The following ATPAF1 variants were observed in gnomAD, a reference collection of about 807,000 sequenced individuals.
The protein encoded by ATPAF1 is ATP synthase mitochondrial F1 complex assembly factor 1.
In ATPAF1, 26 loss-of-function variants were observed where a neutral mutation model predicts 43.9. The ratio of observed to expected loss-of-function variants is 0.59; its 90% confidence interval spans 0.43 to 0.82. The LOEUF (loss-of-function observed/expected upper bound fraction) is 0.82, where lower values mean the gene tolerates loss of function less well. Ranked by LOEUF, ATPAF1 falls within the 40% of genes least tolerant of loss-of-function variation. The pLI, the probability that ATPAF1 is intolerant of heterozygous loss-of-function variation, is 0.00. For missense variants in ATPAF1, 366 were observed against 435.0 expected (o/e 0.84, Z 1.41); for synonymous variants, 157 against 168.0 (o/e 0.93, Z 0.50).
chr1:46,638,952 G>C (rs1675896882), intron 8 of ATPAF1, among the ~76,000 whole-genome samples: 1 of 151,974 alleles, frequency 6.6e-6, no homozygotes, highest in South Asian at 2.1e-4. Context: ...ATATTCCTGG[G>C]GTCATTCTCT....
chr1:46,635,926 G>A (rs4660952), exon 9 of ATPAF1: 2 of 1,614,256 alleles, frequency 1.2e-6, no homozygotes, highest in African/African-American at 2.7e-5. Context: ...CAGTAGCGTA[G>A]AAGAGCTGAA....
In ATPAF1 at chr1:46,668,017, TCCCGCCTCCTG is replaced by T. The variant is rs1449220413; in HGVS notation, c.266+29_266+39del. On this transcript the variant is annotated intron_variant, in intron 1 of 8. Transcript: ENST00000574428. This position sits in a 1 kb window ranked among gnomAD's most constrained non-coding sequence, Gnocchi z 4.4. ...GCCCAGCAGCCCGGGCCGCCCCTCC[TCCCGCCTCCTG>T]CCCGCCTCCAGCCAACCCAGGCCCG... is the stretch of plus-strand genomic sequence containing the variant. The T allele has an allele frequency of 1.5e-6, 2 of 1,327,692 alleles. No homozygotes were observed. The highest frequency in any genetic ancestry group is 1.9e-6 in the Non-Finnish European group (2 of 1,041,516). The allele number at this position is 1,327,692 out of a possible 1,614,324, so 82.2% of individuals were successfully genotyped here. A position where few individuals can be genotyped will look rare whatever the true frequency, so the allele number is the denominator to read the frequency against.
rs138241478 is a variant in ATPAF1, at chr1:46,639,697, T to A, written c.792+3497A>T. 5.9e-3 allele frequency among the ~76,000 whole-genome samples: 892 copies of A among 152,338 alleles called. 31 individuals are homozygous for A. The highest frequency in any genetic ancestry group is 0.053 in the Admixed American group (808 of 15,298). On this transcript the variant is annotated intron_variant, in intron 8 of 8. Transcript: ENST00000574428. ...GAGTATACAGGGGATCATATATTCA[T>A]CTTATACTTCTAAGTTTCTCTTCTC...
intron 4 of ATPAF1, among the ~76,000 whole-genome samples, chr1:46,655,682 C>A (rs148920614): frequency 1.3e-5 from 2 of 152,130 alleles, no homozygotes; most frequent in African/African-American, 2.4e-5. Flanking sequence ...CCTTCCCATG[C>A]CTTTTTACAT....
intron 4 of ATPAF1, among the ~76,000 whole-genome samples, chr1:46,655,486 A>T (rs1433380683): frequency 2.0e-5 from 3 of 152,192 alleles, no homozygotes; most frequent in Admixed American, 2.0e-4. Flanking sequence ...ATTAGAAAAC[A>T]GGGAAAAGGA....
chr1:46,642,317 A>G (rs114079757), intron 8 of ATPAF1, among the ~76,000 whole-genome samples: 2,016 of 152,290 alleles, frequency 0.013, 39 homozygotes, highest in African/African-American at 0.046. Context: ...AGAGAAAGAG[A>G]AAAAATAAGT....
intron 2 of ATPAF1, among the ~76,000 whole-genome samples, chr1:46,662,778 TA>T (rs2148826446): frequency 6.6e-6 from 1 of 152,330 alleles, no homozygotes; most frequent in Admixed American, 6.5e-5. Context: ...CATTTTATTT[TA>T]TTTTTTTCTA....
Position 46,635,790 on chromosome 1 carries a change from G to A in ATPAF1, c.973C>T (p.Gln325Ter). ...CCTGTACAGTTCTAAGTCTTATTTT[G>A]GTTCTGGGCACATTTCAGTTCTGCT... The change falls in exon 9 of 9, where the codon CAA (glutamine) becomes TAA (stop). Residue 325 changes from glutamine to a stop codon, truncating the protein, a stop_gained. Coordinates refer to ENST00000574428, the Ensembl canonical transcript of ATPAF1. LOFTEE classifies it high-confidence loss of function. The A allele has an allele frequency of 1.2e-6, 2 of 1,613,862 alleles. No homozygotes were observed. The highest frequency in any genetic ancestry group is 2.2e-5 in the South Asian group (2 of 91,046).
downstream of ATPAF1, chr1:46,634,125 C>T (rs531302451): frequency 8.7e-5 from 27 of 310,234 alleles, no homozygotes; most frequent in Admixed American, 1.9e-4. Flanking sequence ...AAAATAGACA[C>T]GGCTCAGAGA....
chr1:46,644,970 T>C (rs140871174), intron 7 of ATPAF1, among the ~76,000 whole-genome samples, 191 bp downstream of exon 7: 262 of 152,302 alleles, frequency 1.7e-3, no homozygotes, highest in Non-Finnish European at 3.1e-3. Flanking sequence ...TTTGGAGTCT[T>C]TTCCAATTTC....
At chr1:46,644,927 CAA>C (rs1191792206) in intron 7 of ATPAF1, among the ~76,000 whole-genome samples, 1 of 152,142 alleles carries the variant, frequency 6.6e-6, no homozygotes, top group Non-Finnish European at 1.5e-5. Context: ...GGGGAAGAGA[CAA>C]AAGAGAACCA....
intron 2 of ATPAF1, among the ~76,000 whole-genome samples, chr1:46,662,939 G>C (rs1343569016): frequency 1.3e-5 from 2 of 148,644 alleles, no homozygotes; most frequent in Admixed American, 6.7e-5. Context: ...CCACTCCCCC[G>C]ACCCCACAAC....
intron 6 of ATPAF1, among the ~76,000 whole-genome samples, chr1:46,647,411 T>C (rs1373345334): frequency 6.6e-6 from 1 of 152,220 alleles, no homozygotes; most frequent in Non-Finnish European, 1.5e-5. Flanking sequence ...TTTGCACATA[T>C]GGCCCTTTCA....
Position 46,668,110 on chromosome 1 carries a change from G to A in ATPAF1, c.213C>T (p.Leu71=). The A allele has an allele frequency of 6.9e-7, 1 of 1,448,132 alleles. No individual in the cohort carries two copies. The highest frequency in any genetic ancestry group is 9.1e-7 in the Non-Finnish European group (1 of 1,098,668). 89.7% of individuals were successfully genotyped at this position (1,448,132 alleles called of 1,614,324 possible). ...AGCGGTCGTAGAAAGGGTTGGCCTGGAGCTCGGCCTCGGCCCCGACCCCGC... is the reference window on the plus strand; with the variant it reads ...AGCGGTCGTAGAAAGGGTTGGCCTGAAGCTCGGCCTCGGCCCCGACCCCGC... The change falls in exon 1 of 9, where the codon CTC becomes CTT. Residue 71 remains leucine (L), a synonymous_variant. Transcript: ENST00000574428. This position sits in a 1 kb window ranked among gnomAD's most constrained non-coding sequence, Gnocchi z 4.4.
At chr1:46,663,068 C>T (rs1048979081) in intron 2 of ATPAF1, among the ~76,000 whole-genome samples, 4 of 152,028 alleles carry the variant, frequency 2.6e-5, no homozygotes, top group African/African-American at 9.7e-5. Context: ...TTGCTGAGAA[C>T]GATGGTTTCC....
chr1:46,652,734 A>C (rs1413974789), intron 5 of ATPAF1, 106 bp from the exon 6 acceptor site: 7 of 945,952 alleles, frequency 7.4e-6, no homozygotes, highest in African/African-American at 3.3e-5. Flanking sequence ...AATACAACTA[A>C]AACAGTCATT....
At chr1:46,665,638 G>A (rs1676477047) in intron 1 of ATPAF1, 2 of 1,529,886 alleles carry the variant, frequency 1.3e-6, no homozygotes, top group African/African-American at 1.4e-5. Context: ...TAGTCTCTCA[G>A]GTACTTACAT....
At chr1:46,645,066 A>G in intron 7 of ATPAF1, 95 bp downstream of exon 7, 1 of 899,204 alleles carries the variant, frequency 1.1e-6, no homozygotes, top group Non-Finnish European at 1.7e-6. Context: ...GCTGGGAGTA[A>G]GCAGCTATTC....
intron 8 of ATPAF1, among the ~76,000 whole-genome samples, chr1:46,641,077 TTTATTA>T (rs1208277492): frequency 6.6e-6 from 1 of 152,072 alleles, no homozygotes; most frequent in Non-Finnish European, 1.5e-5. Flanking sequence ...TTTATTTTAT[TTTATTA>T]TTATTATTTT....
Sources: gnomAD v4.1 joint callset for allele counts (sites outside exome capture counted in the v4.1 genomes callset) on GRCh38, gnomAD v4.1.1 for gene constraint, Gnocchi (gnomAD v3.1) non-coding constraint, MANE v1.5 for transcripts, NCBI Gene and HGNC (gene_info 2026-07-23, HGNC 2026-07-21) for gene names.